The following PRKN variants were observed in gnomAD, a reference collection of about 807,000 sequenced individuals.
PRKN encodes parkin RBR E3 ubiquitin protein ligase.
A neutral mutation model predicts 59.5 loss-of-function variants in PRKN; 56 were observed. The ratio of observed to expected loss-of-function variants is 0.94; its 90% CI spans 0.76 to 1.18. The LOEUF is 1.18. Ranked by LOEUF, PRKN falls within the 50% of genes most tolerant of loss-of-function variation. The pLI is 0.00. For missense variants in PRKN, 657 were observed against 596.4 expected (o/e 1.10, Z -1.06); for synonymous variants, 250 against 222.1 (o/e 1.13, Z -1.12).
chr6:161,620,259 C>T (rs1782848984), intron 7 of PRKN, among the ~76,000 whole-genome samples: 1 of 151,720 alleles, frequency 6.6e-6, no homozygotes, highest in South Asian at 2.1e-4. Context: ...GCCTCGGCCT[C>T]CCAAAGTGCT....
chr6:162,359,357 C>A lies in PRKN; in HGVS notation c.171+83953G>T, dbSNP rs79668841. Among the ~76,000 whole-genome samples the A allele has an allele frequency of 2.0e-3, 306 of 151,916 alleles. 2 individuals are homozygous for A. Among genetic ancestry groups the A allele is most frequent in the African/African-American group, 7.0e-3 (289 of 41,442 alleles). ...TTGAGTTTTGAGAGCCCTAACATGG[C>A]CAATTCATTTTACAGAGGTGGAAAA... On this transcript the variant is annotated intron_variant, in intron 2 of 11. Coordinates refer to ENST00000366898, the MANE Select transcript of PRKN (RefSeq NM_004562.3).
At chr6:162,665,180 C>T (rs1779051332) in intron 1 of PRKN, among the ~76,000 whole-genome samples, 1 of 151,950 alleles carries the variant, frequency 6.6e-6, no homozygotes, top group Non-Finnish European at 1.5e-5. Flanking sequence ...AAGTTCTGGC[C>T]AGGGCAATCA....
At chr6:162,487,202 C>A (rs932683586) in intron 1 of PRKN, among the ~76,000 whole-genome samples, 7 of 152,194 alleles carry the variant, frequency 4.6e-5, no homozygotes, top group Non-Finnish European at 1.0e-4. Flanking sequence ...CACCCAGTGT[C>A]TAAAGGGTTA....
rs527772190 is a variant in PRKN at position 161,696,069 on chromosome 6, G to A, written c.871+89703C>T. On this transcript the variant is annotated intron_variant, in intron 7 of 11. Transcript: ENST00000366898. ...TACATACATCTCTCCTTAGAAGAGC[G>A]ATGAAGCTATAGGACACAAGACCCA... is the stretch of plus-strand genomic sequence containing the variant. 5.9e-5 allele frequency among the ~76,000 whole-genome samples: 9 copies of A among 152,254 alleles called. No homozygotes were observed. In the East Asian group the frequency reaches 1.4e-3, roughly 23 times the overall value.
chr6:161,779,536 C>T (rs902640389), intron 7 of PRKN, among the ~76,000 whole-genome samples: 27 of 131,970 alleles, frequency 2.0e-4, no homozygotes, highest in African/African-American at 7.5e-4. Context: ...CTTCCATCAC[C>T]TGGGTTCAAG....
intron 7 of PRKN, among the ~76,000 whole-genome samples, chr6:161,739,003 C>T (rs1476997039): frequency 6.6e-6 from 1 of 152,136 alleles, no homozygotes; most frequent in East Asian, 1.9e-4. Context: ...CTGGTCAAAG[C>T]CCCTACTGGA....
At chr6:161,676,549 C>T (rs1199470184) in intron 7 of PRKN, among the ~76,000 whole-genome samples, 1 of 152,212 alleles carries the variant, frequency 6.6e-6, no homozygotes, top group Non-Finnish European at 1.5e-5. Context: ...CTGATTGGAA[C>T]TCAGCAGCCT....
At chr6:162,333,198 A>G (rs1295934902) in intron 2 of PRKN, among the ~76,000 whole-genome samples, 1 of 152,016 alleles carries the variant, frequency 6.6e-6, no homozygotes, top group Non-Finnish European at 1.5e-5. Context: ...TTTTATAAAA[A>G]ATAAAGCAAA....
intron 4 of PRKN, among the ~76,000 whole-genome samples, chr6:162,191,557 C>G (rs1351606626): frequency 3.9e-5 from 6 of 152,160 alleles, no homozygotes; most frequent in Non-Finnish European, 8.8e-5. Flanking sequence ...ATTCTCCTGC[C>G]TCAGCCTCCT....
At chr6:162,596,644 C>G (rs1781505364) in intron 1 of PRKN, among the ~76,000 whole-genome samples, 1 of 152,122 alleles carries the variant, frequency 6.6e-6, no homozygotes, top group African/African-American at 2.4e-5. Context: ...AGAAAATGCA[C>G]ACATTTTATA....
chr6:161,502,780 C>T lies in PRKN; in HGVS notation c.1083+46074G>A, dbSNP rs76775476. ...TGAGGTGGCTCTGATCCATGCTCTA[C>T]GGTGAATGTGTGGGAAGGACAGGTG... On this transcript the variant is annotated intron_variant, in intron 9 of 11. Coordinates refer to ENST00000366898, the MANE Select transcript of PRKN (RefSeq NM_004562.3). This position sits in a 1 kb window ranked among gnomAD's most constrained non-coding sequence, Gnocchi z 4.0. Among the ~76,000 whole-genome samples the T allele has an allele frequency of 1.7e-3, 264 of 152,152 alleles. 4 individuals are homozygous for T. In the East Asian group the frequency reaches 0.043, roughly 25 times the overall value.
intron 7 of PRKN, among the ~76,000 whole-genome samples, chr6:161,662,021 TCAAA>T (rs1018605474): frequency 7.9e-5 from 12 of 151,868 alleles, no homozygotes; most frequent in Admixed American, 5.2e-4. Context: ...AGACTCTGTC[TCAAA>T]CAAACAAACA....
intron 6 of PRKN, among the ~76,000 whole-genome samples, chr6:161,899,487 C>A (rs1777801286): frequency 6.6e-6 from 1 of 152,146 alleles, no homozygotes; most frequent in Admixed American, 6.5e-5. Flanking sequence ...TAAAAGATAT[C>A]CAGCCACAGG....
chr6:161,761,101 G>T (rs2128198533), intron 7 of PRKN, among the ~76,000 whole-genome samples: 1 of 152,310 alleles, frequency 6.6e-6, no homozygotes, highest in East Asian at 1.9e-4. Context: ...GAAAATTAAT[G>T]TCCCAGTCCT....
rs535156336 is a variant in PRKN at position 162,061,436 on chromosome 6, C to T, written c.535-7262G>A. ...GCAGTAAGAAGCCCTTTCCAAGGGA[C>T]CTGGACCCACGGCCCAGTGGGTTTC... On this transcript the variant is annotated intron_variant, in intron 4 of 11. Transcript: ENST00000366898. Among the ~76,000 whole-genome samples the T allele has an allele frequency of 2.6e-5, 4 of 152,258 alleles. No individual in the cohort carries two copies. In the South Asian group the frequency reaches 6.2e-4, roughly 24 times the overall value.
intron 7 of PRKN, among the ~76,000 whole-genome samples, chr6:161,670,641 C>A (rs1205972145): frequency 6.6e-6 from 1 of 152,126 alleles, no homozygotes; most frequent in Non-Finnish European, 1.5e-5. Flanking sequence ...TAGTGAAACC[C>A]CGTCTCTACT....
chr6:162,416,801 T>C (rs903824183), intron 2 of PRKN, among the ~76,000 whole-genome samples: 2 of 152,174 alleles, frequency 1.3e-5, no homozygotes, highest in African/African-American at 4.8e-5. Context: ...ATTTCTAAAA[T>C]GAAAATTTGA....
rs1018986475 is a variant in PRKN at position 162,208,057 on chromosome 6, A to G, written c.413-6805T>C. On this transcript the variant is annotated intron_variant, in intron 3 of 11. Coordinates refer to ENST00000366898, the MANE Select transcript of PRKN (RefSeq NM_004562.3). ...GAAAAATTACTTACATAAGAACTAA[A>G]ATAAAAAAATGTTTATATAGGACTT... Among the ~76,000 whole-genome samples, 6 of 152,340 alleles carry G rather than the reference A, an allele frequency of 3.9e-5. No homozygotes were observed. In the South Asian group the frequency reaches 8.3e-4, roughly 21 times the overall value.
intron 2 of PRKN, among the ~76,000 whole-genome samples, chr6:162,419,646 A>G (rs190823085): frequency 9.6e-4 from 146 of 152,242 alleles, no homozygotes; most frequent in African/African-American, 3.4e-3. Context: ...TGGAGCATCT[A>G]TGGGAGGTGA....
Sources: allele counts gnomAD v4.1 joint callset (sites outside exome capture counted in the v4.1 genomes callset), GRCh38; gene constraint gnomAD v4.1.1; non-coding constraint Gnocchi (gnomAD v3.1); transcripts MANE v1.5; gene names NCBI Gene and HGNC (gene_info 2026-07-23, HGNC 2026-07-21).